Variants in POLA1 observed in about 807,000 individuals in gnomAD.
The protein encoded by POLA1 is DNA polymerase alpha 1, catalytic subunit.
In POLA1, 15 loss-of-function variants were observed where a neutral mutation model predicts 124.0. The observed-to-expected ratio is 0.12, with a 90% CI of 0.08 to 0.19. The LOEUF (loss-of-function observed/expected upper bound fraction) is 0.19, where lower values mean the gene tolerates loss of function less well. POLA1 is among the 10% of genes least tolerant of loss of function. POLA1 has a pLI of 1.00. For synonymous variants in POLA1, 408 were observed against 389.4 expected (o/e 1.05, Z -0.56); for missense variants, 886 against 1,103.4 (o/e 0.80, Z 2.79).
intron 7 of POLA1, 62 bp from the exon 8 acceptor site, chrX:24,716,822 A>G (rs1929872165): frequency 4.6e-6 from 3 of 653,926 alleles, no homozygotes; most frequent in Non-Finnish European, 7.4e-6. Flanking sequence ...TGGTCAGGGT[A>G]GGACAGTTGC....
At chrX:24,873,146 C>G (rs1437132076) in intron 34 of POLA1, among the ~76,000 whole-genome samples, 3 of 111,724 alleles carry the variant, frequency 2.7e-5, no homozygotes, top group Non-Finnish European at 5.6e-5. Context: ...CAGTATCCTA[C>G]AGAGTGCTTT....
chrX:24,818,997 T>A (rs928969084), intron 30 of POLA1, among the ~76,000 whole-genome samples: 4 of 112,310 alleles, frequency 3.6e-5, no homozygotes, highest in Non-Finnish European at 5.6e-5. Context: ...TCTTCTTTGA[T>A]CCTGCACCAG....
At chrX:24,783,715 A>G (rs1163889027) in intron 26 of POLA1, among the ~76,000 whole-genome samples, 2 of 112,232 alleles carry the variant, frequency 1.8e-5, no homozygotes, top group Non-Finnish European at 3.8e-5. Flanking sequence ...TTCTTAAAAT[A>G]TATCCCAATT....
At chrX:24,863,569 A>T (rs961869139) in intron 34 of POLA1, among the ~76,000 whole-genome samples, 1 of 111,896 alleles carries the variant, frequency 8.9e-6, no homozygotes, top group African/African-American at 3.2e-5. Context: ...AGGGCTCTCC[A>T]TGTCTGGAAG....
chrX:24,750,205 T>C (rs1439755503), intron 26 of POLA1, among the ~76,000 whole-genome samples: 1 of 112,412 alleles, frequency 8.9e-6, no homozygotes, highest in Admixed American at 9.4e-5. Flanking sequence ...CAAAGCCTGA[T>C]ATATTTACTC....
intron 29 of POLA1, 89 bp downstream of exon 29, chrX:24,812,952 G>T: frequency 2.2e-6 from 1 of 453,304 alleles, no homozygotes; most frequent in Middle Eastern, 5.6e-4. Flanking sequence ...AATCTGTCAA[G>T]CCCAAGAACA....
intron 20 of POLA1, among the ~76,000 whole-genome samples, chrX:24,740,179 G>A (rs966812405): frequency 9.0e-6 from 1 of 111,550 alleles, no homozygotes; most frequent in Admixed American, 9.5e-5. Context: ...TCTTCCTATA[G>A]TCTTTCCTTA....
rs1287902382 is a variant in POLA1 at position 24,794,277 on chromosome X, C to A, written c.2965-15621C>A. Among the ~76,000 whole-genome samples the A allele has an allele frequency of 2.7e-5, 3 of 112,266 alleles. No individual in the cohort carries two copies. In the East Asian group the frequency reaches 8.4e-4, roughly 31 times the overall value. ...TACAGGCGTGAACCATCACACCCGG[C>A]CTTCCCTGTTTAATTCTTCTTAGCA... On this transcript the variant is annotated intron_variant, in intron 26 of 36. Transcript: ENST00000379068.
At chrX:24,724,064 C>G (rs11573343) in intron 11 of POLA1, among the ~76,000 whole-genome samples, 2 of 112,271 alleles carry the variant, frequency 1.8e-5, no homozygotes, top group Non-Finnish European at 3.8e-5. Context: ...GTCTCTTGGT[C>G]AGGATTTACA....
chrX:24,974,085 G>A (rs1441023565), intron 36 of POLA1, among the ~76,000 whole-genome samples: 1 of 110,975 alleles, frequency 9.0e-6, no homozygotes, highest in Admixed American at 9.6e-5. Context: ...CCCCAGAGAG[G>A]AGACCTAGTA....
At chrX:24,916,620 G>A (rs898965122) in intron 35 of POLA1, among the ~76,000 whole-genome samples, 5 of 111,510 alleles carry the variant, frequency 4.5e-5, no homozygotes, top group Non-Finnish European at 5.6e-5. Flanking sequence ...ACATCAATGG[G>A]ATGTATTATC....
At chrX:24,737,335 G>A (rs758502055) in intron 18 of POLA1, among the ~76,000 whole-genome samples, 1 of 111,338 alleles carries the variant, frequency 9.0e-6, no homozygotes, top group South Asian at 3.9e-4. Context: ...CTCCGAGACC[G>A]TAAGGCATGA....
At chrX:24,939,095 G>A (rs759196835) in intron 36 of POLA1, among the ~76,000 whole-genome samples, 5 of 112,010 alleles carry the variant, frequency 4.5e-5, no homozygotes, top group Non-Finnish European at 7.5e-5. Context: ...TTCGCATTAT[G>A]TCTTTTTAGT....
chrX:24,723,111 A>T, intron 10 of POLA1, 44 bp from the exon 11 acceptor site: 1 of 927,212 alleles, frequency 1.1e-6, no homozygotes, highest in Non-Finnish European at 1.6e-6. Flanking sequence ...AATTAGGTGA[A>T]ATTGAAATGT....
At chrX:24,860,312 TG>T (rs1366976252) in intron 34 of POLA1, among the ~76,000 whole-genome samples, 6 of 112,943 alleles carry the variant, frequency 5.3e-5, no homozygotes, top group Non-Finnish European at 9.4e-5. Context: ...TGCACAAGAA[TG>T]ACAGAGCCTA....
chrX:24,907,353 G>A (rs1301294453), intron 35 of POLA1, among the ~76,000 whole-genome samples: 1 of 110,920 alleles, frequency 9.0e-6, no homozygotes, highest in Non-Finnish European at 1.9e-5. Context: ...ATTATTTGAA[G>A]AAATAATATT....
chrX:24,712,086 T>TG (rs1929489833), intron 4 of POLA1, among the ~76,000 whole-genome samples: 1 of 111,924 alleles, frequency 8.9e-6, no homozygotes, highest in African/African-American at 3.2e-5. Flanking sequence ...TTGCATTTTT[T>TG]TTTGTTTGTT....
intron 26 of POLA1, among the ~76,000 whole-genome samples, chrX:24,774,876 G>A (rs947713845): frequency 2.7e-5 from 3 of 111,883 alleles, no homozygotes; most frequent in Non-Finnish European, 5.6e-5. Flanking sequence ...AGGGTTTATG[G>A]GAGTTAGTGA....
chrX:24,928,215 G>A (rs2047723003), intron 35 of POLA1, among the ~76,000 whole-genome samples: 2 of 111,500 alleles, frequency 1.8e-5, no homozygotes, highest in Admixed American at 9.6e-5. Flanking sequence ...TTTAGGCAGT[G>A]ACTTTCAATT....
Sources: allele counts gnomAD v4.1 joint callset (sites outside exome capture counted in the v4.1 genomes callset), GRCh38; gene constraint gnomAD v4.1.1; transcripts MANE v1.5; gene names NCBI Gene and HGNC (gene_info 2026-07-23, HGNC 2026-07-21).